The following CKAP5 variants were observed in gnomAD, a reference collection of about 807,000 sequenced individuals.
CKAP5 encodes cytoskeleton associated protein 5.
Under a neutral mutation model 232.8 loss-of-function variants are expected in CKAP5, and 27 were observed. The ratio of observed to expected loss-of-function variants is 0.12; its 90% CI spans 0.09 to 0.16. CKAP5 has a LOEUF of 0.16. Ranked by LOEUF, CKAP5 falls within the 10% of genes least tolerant of loss-of-function variation. CKAP5 has a pLI of 1.00. For missense variants in CKAP5, 1,838 were observed against 2,424.7 expected, an observed-to-expected ratio of 0.76 and a Z score of 5.08; for synonymous variants, 785 against 841.1, an observed-to-expected ratio of 0.93 and a Z score of 1.16.
intron 1 of CKAP5, among the ~76,000 whole-genome samples, chr11:46,824,787 C>A (rs1194131406): frequency 6.6e-6 from 1 of 152,064 alleles, no homozygotes; most frequent in African/African-American, 2.4e-5. Context: ...GATATAAGAA[C>A]CAAGTTTTTG....
At chr11:46,776,519 T>C (rs1439285620) in intron 23 of CKAP5, 136 bp from the exon 24 acceptor site, 1 of 566,374 alleles carries the variant, frequency 1.8e-6, no homozygotes, top group African/African-American at 1.9e-5. Flanking sequence ...CCATCTTCTC[T>C]GAAACAGAAA....
chr11:46,750,660 A>G (rs1407401531), intron 40 of CKAP5, 49 bp from the exon 41 acceptor site: 1 of 1,403,906 alleles, frequency 7.1e-7, no homozygotes, highest in South Asian at 1.2e-5. Context: ...TGAGTTATTA[A>G]TTAGGAACTG....
intron 24 of CKAP5, among the ~76,000 whole-genome samples, chr11:46,773,229 T>A (rs1167498885): frequency 6.6e-6 from 1 of 152,100 alleles, no homozygotes; most frequent in Non-Finnish European, 1.5e-5. Context: ...TTATGATTAC[T>A]CTGATGGATT....
In CKAP5 at chr11:46,846,246, T is replaced by C. The variant is rs1940191230; in HGVS notation, c.-64A>G. ...TCAGCTGGGTCAGAACCAAGCGGCC[T>C]GCTCTAAGCCGTTTGAAACCGCTTG... On this transcript the variant is annotated 5_prime_UTR_variant, in exon 1 of 44. Transcript: ENST00000529230. 1 of 152,164 alleles carries C rather than the reference T, an allele frequency of 6.6e-6. No homozygotes were observed. The highest frequency in any genetic ancestry group is 2.4e-5 in the African/African-American group (1 of 41,416). The allele number at this position is 152,164 out of a possible 1,614,324, so 9.4% of individuals were successfully genotyped here.
intron 1 of CKAP5, among the ~76,000 whole-genome samples, chr11:46,844,166 C>G (rs1457320914): frequency 6.6e-6 from 1 of 150,758 alleles, no homozygotes; most frequent in South Asian, 2.1e-4. Flanking sequence ...AGGTTGCAGT[C>G]AGCTGAGATC....
At chr11:46,773,775 C>T (rs1000882832) in intron 24 of CKAP5, among the ~76,000 whole-genome samples, 3 of 151,146 alleles carry the variant, frequency 2.0e-5, no homozygotes, top group African/African-American at 4.9e-5. Context: ...AACCCCTGAT[C>T]TCAAGTGATC....
At chr11:46,764,999 A>C in intron 28 of CKAP5, 132 bp downstream of exon 28, 2 of 720,352 alleles carry the variant, frequency 2.8e-6, no homozygotes, top group South Asian at 5.4e-5. Context: ...CATAAACTAA[A>C]TAATATAATT....
chr11:46,745,959 C>A (rs574615124), intron 42 of CKAP5, among the ~76,000 whole-genome samples: 2 of 152,024 alleles, frequency 1.3e-5, no homozygotes, highest in Admixed American at 6.6e-5. Context: ...CTCAAAAAAA[C>A]CTCAAAAAAT....
intron 4 of CKAP5, among the ~76,000 whole-genome samples, chr11:46,814,580 A>G (rs1270256940): frequency 3.9e-5 from 6 of 152,218 alleles, no homozygotes; most frequent in Admixed American, 6.5e-5. Flanking sequence ...TGCTTTCTAA[A>G]ATATCTGATA....
At chr11:46,783,066 C>T (rs542784733) in intron 18 of CKAP5, 12 of 324,852 alleles carry the variant, frequency 3.7e-5, no homozygotes, top group African/African-American at 6.4e-5. Context: ...GGAAAAATAA[C>T]GTAGAGAACT....
At chr11:46,746,973 T>C (rs1411261611) in intron 42 of CKAP5, among the ~76,000 whole-genome samples, 1 of 151,956 alleles carries the variant, frequency 6.6e-6, no homozygotes, top group Non-Finnish European at 1.5e-5. Context: ...CTGTCTCTAC[T>C]AAAAATACAC....
intron 38 of CKAP5, among the ~76,000 whole-genome samples, chr11:46,751,968 A>G (rs1057183968): frequency 2.0e-5 from 3 of 151,932 alleles, no homozygotes; most frequent in Non-Finnish European, 4.4e-5. Context: ...AAAGAGACCA[A>G]ATATCATAGG....
Position 46,762,167 on chromosome 11 carries a change from C to T in CKAP5, c.4054G>A (p.Val1352Ile). The stretch of plus-strand genomic sequence containing the variant: ...CAAACATTCATGCCATAGGACTCAA[C>T]CAGACATCCCAGCTCTTCCAGGCAC... ...AECLEELGCLVESYGMNVCQP... is the reference protein window; with the variant it reads ...AECLEELGCLIESYGMNVCQP... The change falls in exon 32 of 44, where the codon GTT (valine) becomes ATT (isoleucine). Residue 1352 changes from valine to isoleucine, a missense_variant. By Grantham distance (29) the Val-to-Ile change is conservative (BLOSUM62 3). Around this residue, in one of 6 missense-constraint regions of CKAP5, gnomAD observed 579 missense variants for 843.2 expected, o/e 0.69. Transcript: ENST00000529230. 6 of 1,613,878 alleles carry T rather than the reference C, an allele frequency of 3.7e-6. No homozygotes were observed. The highest frequency in any genetic ancestry group is 5.1e-6 in the Non-Finnish European group (6 of 1,179,874).
intron 8 of CKAP5, among the ~76,000 whole-genome samples, chr11:46,804,982 T>A (rs1204012662): frequency 6.6e-6 from 1 of 151,586 alleles, no homozygotes; most frequent in Admixed American, 6.6e-5. Context: ...ACGCCTGTAA[T>A]CCCAGCACTT....
chr11:46,822,741 CAAAA>C lies in CKAP5; in HGVS notation c.-37-1477_-37-1474del, dbSNP rs57170422. On this transcript the variant is annotated intron_variant, in intron 1 of 43. Coordinates refer to ENST00000529230, the MANE Select transcript of CKAP5 (RefSeq NM_001008938.4). ...CCAGCCTGGGCAACAGACTCCGTCC[CAAAA>C]AAAAAAAAAAAAAAAAAAAGAAAGA... Among the ~76,000 whole-genome samples, 290 of 77,866 alleles carry C rather than the reference CAAAA, an allele frequency of 3.7e-3. 1 individual carries two copies. The highest frequency in any genetic ancestry group is 0.014 in the African/African-American group (276 of 20,022). 51.1% of individuals were successfully genotyped at this position (77,866 alleles called of 152,430 possible).
At chr11:46,771,093 T>C (rs780766815) in intron 24 of CKAP5, 111 bp from the exon 25 acceptor site, 82 of 821,146 alleles carry the variant, frequency 1.0e-4, no homozygotes, top group Non-Finnish European at 1.5e-4. Flanking sequence ...GCTTTCACAC[T>C]ATAACTTTCC....
At chr11:46,796,006 A>G (rs181173980) in intron 12 of CKAP5, among the ~76,000 whole-genome samples, 250 of 152,138 alleles carry the variant, frequency 1.6e-3, no homozygotes, top group African/African-American at 5.8e-3. Flanking sequence ...TCTACTAAAA[A>G]TAAAAAAGTT....
chr11:46,757,877 C>T (rs956660748), intron 35 of CKAP5, among the ~76,000 whole-genome samples: 6 of 149,238 alleles, frequency 4.0e-5, no homozygotes, highest in Admixed American at 3.4e-4. Context: ...TGAGCCACCA[C>T]ACCTGGCCTA....
intron 35 of CKAP5, chr11:46,758,714 GAAAAA>G: frequency 1.1e-4 from 38 of 340,708 alleles, no homozygotes; most frequent in Middle Eastern, 8.2e-4. Flanking sequence ...CTCAAAAGAG[GAAAAA>G]AAAAAAAAAA....
Sources: gnomAD v4.1 joint callset for allele counts (sites outside exome capture counted in the v4.1 genomes callset) on GRCh38, gnomAD v4.1.1 for gene constraint, gnomAD v4.1.1 regional missense constraint, MANE v1.5 for transcripts, NCBI Gene and HGNC (gene_info 2026-07-23, HGNC 2026-07-21) for gene names.